Variants in TNKS observed in about 807,000 individuals in gnomAD.
TNKS encodes the protein tankyrase, also known as poly [ADP-ribose] polymerase tankyrase-1.
Under a neutral mutation model 135.8 loss-of-function variants are expected in TNKS, and 72 were observed. That is an observed-to-expected ratio of 0.53 (90% CI 0.44 to 0.64). The LOEUF (loss-of-function observed/expected upper bound fraction) is 0.64. Ranked by LOEUF, TNKS falls within the 30% of genes least tolerant of loss-of-function variation. The probability of loss-of-function intolerance (pLI) is 0.00; values close to 1 mark genes in which losing one functional copy is unlikely to be tolerated. For missense variants in TNKS, 1,769 were observed against 1,674.0 expected, an observed-to-expected ratio of 1.06 and a Z score of -0.99; for synonymous variants, 849 against 649.3, an observed-to-expected ratio of 1.31 and a Z score of -4.68.
At chr8:9,683,800 T>TCCCC (rs1444307880) in intron 5 of TNKS, among the ~76,000 whole-genome samples, 2 of 151,968 alleles carry the variant, frequency 1.3e-5, no homozygotes, top group African/African-American at 4.8e-5. Flanking sequence ...GTTAATATTT[T>TCCCC]GTTTCCCAAA....
intron 24 of TNKS, 40 bp from the exon 25 acceptor site, chr8:9,766,199 A>G (rs759109423): frequency 6.4e-7 from 1 of 1,553,886 alleles, no homozygotes; most frequent in Non-Finnish European, 8.8e-7. Flanking sequence ...GCTTCTAGAA[A>G]AGTGTTCAAA....
intron 3 of TNKS, among the ~76,000 whole-genome samples, chr8:9,645,334 C>T (rs917893110): frequency 1.3e-5 from 2 of 152,066 alleles, no homozygotes; most frequent in Admixed American, 6.5e-5. Context: ...GTGAATTCAC[C>T]ACAGTGGTCA....
intron 6 of TNKS, among the ~76,000 whole-genome samples, 193 bp from the exon 7 acceptor site, chr8:9,705,994 A>G (rs1009089113): frequency 6.6e-6 from 1 of 152,208 alleles, no homozygotes; most frequent in African/African-American, 2.4e-5. Flanking sequence ...TTCAAGGATT[A>G]TATACAAAAA....
intron 26 of TNKS, 34 bp from the exon 27 acceptor site, chr8:9,776,616 A>AAGG (rs779173762): frequency 6.3e-7 from 1 of 1,597,922 alleles, no homozygotes; most frequent in East Asian, 2.2e-5. Flanking sequence ...TGCCTACTAG[A>AAGG]AGGGTGATTT....
At chr8:9,576,308 A>G (rs1797941852) in intron 1 of TNKS, among the ~76,000 whole-genome samples, 1 of 152,120 alleles carries the variant, frequency 6.6e-6, no homozygotes, top group Non-Finnish European at 1.5e-5. Flanking sequence ...TTTATGAATA[A>G]AAGAGTTTTA....
chr8:9,735,884 G>C lies in TNKS; in HGVS notation c.2643+398G>C, dbSNP rs573238440. ...TTATTAAATGCATACTATGCATTAA[G>C]TAAGTAGATATCTAACTAATAGCAT... On this transcript the variant is annotated intron_variant, in intron 17 of 26. Coordinates refer to ENST00000310430, the MANE Select transcript of TNKS (RefSeq NM_003747.3). Among the ~76,000 whole-genome samples, 9 of 152,122 alleles carry C rather than the reference G, an allele frequency of 5.9e-5. No homozygotes were observed. In the South Asian group the frequency reaches 1.9e-3, roughly 32 times the overall value.
intron 3 of TNKS, among the ~76,000 whole-genome samples, chr8:9,630,872 G>C (rs1800264155): frequency 6.6e-6 from 1 of 152,096 alleles, no homozygotes; most frequent in African/African-American, 2.4e-5. Flanking sequence ...AACATTCTCA[G>C]ATCTTTAAAA....
chr8:9,683,466 C>T (rs1802865714), intron 5 of TNKS, among the ~76,000 whole-genome samples: 1 of 151,902 alleles, frequency 6.6e-6, no homozygotes, highest in Non-Finnish European at 1.5e-5. Context: ...TAGAACACAG[C>T]GTAGAAGCGA....
At chr8:9,641,090 C>T (rs1241684943) in intron 3 of TNKS, among the ~76,000 whole-genome samples, 1 of 145,874 alleles carries the variant, frequency 6.9e-6, no homozygotes, top group Non-Finnish European at 1.5e-5. Context: ...GTGTGTTCTC[C>T]CTCACTGCAT....
chr8:9,664,485 A>G (rs928098171), intron 3 of TNKS, among the ~76,000 whole-genome samples: 5 of 152,194 alleles, frequency 3.3e-5, no homozygotes, highest in African/African-American at 1.2e-4. Flanking sequence ...ATTTCAACAT[A>G]CATTTGGAAG....
At chr8:9,717,957 A>G (rs1054315353) in intron 11 of TNKS, among the ~76,000 whole-genome samples, 16 of 152,130 alleles carry the variant, frequency 1.1e-4, no homozygotes, top group Non-Finnish European at 1.8e-4. Context: ...AATACAAACA[A>G]TACATTTTCA....
chr8:9,724,584 A>T (rs887248651), intron 12 of TNKS, among the ~76,000 whole-genome samples: 1 of 152,140 alleles, frequency 6.6e-6, no homozygotes, highest in African/African-American at 2.4e-5. Context: ...GCATCACTTT[A>T]TACAAAGTTC....
intron 2 of TNKS, among the ~76,000 whole-genome samples, chr8:9,600,247 A>G (rs1312900845): frequency 1.3e-5 from 2 of 152,252 alleles, no homozygotes; most frequent in South Asian, 2.1e-4. Context: ...AACTCTAACT[A>G]TGGCATATTG....
intron 2 of TNKS, among the ~76,000 whole-genome samples, chr8:9,608,772 C>G (rs1563113829): frequency 6.6e-6 from 1 of 152,146 alleles, no homozygotes; most frequent in Non-Finnish European, 1.5e-5. Flanking sequence ...TGCTTTGACT[C>G]TTGTTGTGTT....
At chr8:9,590,694 G>A (rs966093998) in intron 2 of TNKS, among the ~76,000 whole-genome samples, 2 of 152,110 alleles carry the variant, frequency 1.3e-5, no homozygotes, top group East Asian at 3.8e-4. Flanking sequence ...TTTCATGTGC[G>A]TGTTTGCCAT....
chr8:9,718,304 T>A (rs886690612), intron 11 of TNKS, among the ~76,000 whole-genome samples: 1 of 152,190 alleles, frequency 6.6e-6, no homozygotes, highest in African/African-American at 2.4e-5. Context: ...AAACACATGT[T>A]CACAGTTAAA....
chr8:9,672,681 TACACAC>T (rs60210743), intron 3 of TNKS, among the ~76,000 whole-genome samples: 2 of 84,688 alleles, frequency 2.4e-5, no homozygotes, highest in African/African-American at 4.5e-5. Context: ...AAAAAACACA[TACACAC>T]ACACACACAC....
Position 9,726,653 on chromosome 8 carries a change from T to C in TNKS, c.1934T>C (p.Ile645Thr). The change falls in exon 13 of 27, where the codon ATA becomes ACA. Residue 645 changes from isoleucine (I) to threonine (T), a missense_variant. Around this residue, in one of 5 missense-constraint regions of TNKS, gnomAD observed 523 missense variants for 541.0 expected, o/e 0.97. Coordinates refer to ENST00000310430, the MANE Select transcript of TNKS (RefSeq NM_003747.3). ...TCCTTTTATGCAGAGAGTACACCTA[T>C]ACGTACTTCTGATGTTGATTATCGA... ...VQQILSESTP[I>T]RTSDVDYRLL... 1.2e-6 allele frequency: 2 copies of C among 1,612,728 alleles called. No individual in the cohort carries two copies. Among genetic ancestry groups the C allele is most frequent in the Non-Finnish European group, 1.7e-6 (2 of 1,179,150 alleles).
chr8:9,567,645 C>T (rs1797598637), intron 1 of TNKS, among the ~76,000 whole-genome samples: 1 of 152,224 alleles, frequency 6.6e-6, no homozygotes, highest in African/African-American at 2.4e-5. Flanking sequence ...TCTCGTTCTC[C>T]TGATCTTGTG....
Sources: gnomAD v4.1 joint callset for allele counts (sites outside exome capture counted in the v4.1 genomes callset) on GRCh38, gnomAD v4.1.1 for gene constraint, gnomAD v4.1.1 regional missense constraint, MANE v1.5 for transcripts, NCBI Gene and HGNC (gene_info 2026-07-23, HGNC 2026-07-21) for gene names.